The following ZNF717 variants were observed in gnomAD, a reference collection of about 807,000 sequenced individuals.
The protein encoded by ZNF717 is zinc finger protein 717.
In ZNF717, 9 loss-of-function variants were observed where a neutral mutation model predicts 13.8. The ratio of observed to expected loss-of-function variants is 0.65; its 90% CI spans 0.39 to 1.14. The LOEUF is 1.14. ZNF717 is among the 50% of genes most tolerant of loss of function. The probability of loss-of-function intolerance (pLI) is 0.01; values close to 1 mark genes in which losing one functional copy is unlikely to be tolerated. For synonymous variants in ZNF717, 327 were observed against 364.1 expected, an observed-to-expected ratio of 0.90 and a Z score of 1.16; for missense variants, 1,040 against 1,080.7, an observed-to-expected ratio of 0.96 and a Z score of 0.53.
intron 4 of ZNF717, among the ~76,000 whole-genome samples, chr3:75,721,657 A>C (rs1259527857): frequency 6.6e-6 from 1 of 152,234 alleles, no homozygotes; most frequent in African/African-American, 2.4e-5. Context: ...GTCAAAAATA[A>C]AGCAAATAAC....
chr3:75,714,701 T>A (rs74442858), intron 5 of ZNF717, among the ~76,000 whole-genome samples: 1 of 152,230 alleles, frequency 6.6e-6, no homozygotes, highest in Non-Finnish European at 1.5e-5. Flanking sequence ...AAATGTACAC[T>A]GGCCATTTTG....
intron 2 of ZNF717, among the ~76,000 whole-genome samples, chr3:75,746,582 T>C (rs1300640000): frequency 2.6e-3 from 395 of 152,310 alleles, no homozygotes; most frequent in African/African-American, 9.2e-3. Context: ...TTCTAACTAG[T>C]GTGAGATGAT....
intron 6 of ZNF717, among the ~76,000 whole-genome samples, chr3:75,697,359 G>A (rs1231903843): frequency 3.8e-4 from 57 of 151,858 alleles, no homozygotes; most frequent in African/African-American, 1.3e-3. Flanking sequence ...CAATGTTGGA[G>A]GTGGGCCTGG....
At chr3:75,752,471 C>A (rs1483397347) in intron 2 of ZNF717, among the ~76,000 whole-genome samples, 1 of 146,982 alleles carries the variant, frequency 6.8e-6, no homozygotes, top group Non-Finnish European at 1.5e-5. Flanking sequence ...ACATAGGATT[C>A]CAGAGCACTC....
intron 5 of ZNF717, among the ~76,000 whole-genome samples, chr3:75,713,389 G>A (rs78500908): frequency 2.0e-5 from 3 of 151,954 alleles, no homozygotes; most frequent in Non-Finnish European, 2.9e-5. Flanking sequence ...GGGCTCAAGC[G>A]ATCCACCCAC....
intron 6 of ZNF717, among the ~76,000 whole-genome samples, chr3:75,696,189 T>C (rs1937600614): frequency 6.6e-6 from 1 of 152,308 alleles, no homozygotes; most frequent in Non-Finnish European, 1.5e-5. Flanking sequence ...AGCAATTGTG[T>C]GCCAACAAAT....
chr3:75,769,233 C>G (rs1575940585), intron 2 of ZNF717, among the ~76,000 whole-genome samples: 1 of 152,284 alleles, frequency 6.6e-6, no homozygotes, highest in East Asian at 1.9e-4. Flanking sequence ...CTGCCTGGGC[C>G]TCTTGGACAC....
intron 6 of ZNF717, among the ~76,000 whole-genome samples, chr3:75,694,948 C>A (rs1270599667): frequency 2.6e-5 from 4 of 152,030 alleles, no homozygotes; most frequent in African/African-American, 9.7e-5. Flanking sequence ...AAAAATCAAT[C>A]AGAAAACAAA....
At position 75,736,310 on chromosome 3, in the gene ZNF717, A is replaced by C. The variant is rs1231323492; in HGVS notation, c.*568T>G. 6.5e-6 allele frequency: 1 copy of C among 153,798 alleles called. No individual in the cohort carries two copies. Among genetic ancestry groups the C allele is most frequent in the Non-Finnish European group, 1.4e-5 (1 of 69,152 alleles). The allele number at this position is 153,798 out of a possible 1,614,324, so 9.5% of individuals were successfully genotyped here. A position where few individuals can be genotyped will look rare whatever the true frequency, so the allele number is the denominator to read the frequency against. On this transcript the variant is annotated 3_prime_UTR_variant, in exon 5 of 5. Transcript: ENST00000652011. ...TGCACACCTGTCACTTCAAATCAAAAGGTAGAAATCATCGAGCTTAGTGAA... is the reference window on the plus strand; with the variant it reads ...TGCACACCTGTCACTTCAAATCAAACGGTAGAAATCATCGAGCTTAGTGAA...
chr3:75,696,070 C>T (rs1464777818), intron 6 of ZNF717, among the ~76,000 whole-genome samples: 3 of 152,300 alleles, frequency 2.0e-5, no homozygotes, highest in Admixed American at 6.5e-5. Context: ...AATATTTAGA[C>T]AGGCTAACTG....
intron 2 of ZNF717, among the ~76,000 whole-genome samples, chr3:75,751,082 C>T (rs2107393988): frequency 6.6e-6 from 1 of 152,010 alleles, no homozygotes; most frequent in African/African-American, 2.4e-5. Context: ...ATTTGTTCCT[C>T]ACATAGGATT....
intron 2 of ZNF717, among the ~76,000 whole-genome samples, chr3:75,756,587 C>T (rs939041238): frequency 2.2e-4 from 33 of 152,268 alleles, no homozygotes; most frequent in South Asian, 4.1e-4. Context: ...AACAATGTTG[C>T]TGCTGTTATG....
chr3:75,738,124 G>T lies in ZNF717; in HGVS notation c.1499C>A (p.Thr500Asn). The change falls in exon 5 of 5, where the codon ACT (threonine) becomes AAT (asparagine). Residue 500 changes from threonine to asparagine, a missense_variant. By Grantham distance (65) the Thr-to-Asn change is moderately conservative. Transcript: ENST00000652011. The stretch of plus-strand genomic sequence containing the variant: ...TTCGTAGGGTTTTTCCCCTGTGTGA[G>T]TCCATTGATGGATAGTGAGGAATGA... Reference protein sequence around the residue: ...RKSFLTIHQWTHTGEKPYECN... With the variant: ...RKSFLTIHQWNHTGEKPYECN... The T allele has an allele frequency of 1.5e-6, 2 of 1,356,218 alleles. No homozygotes were observed. The highest frequency in any genetic ancestry group is 4.7e-5 in the Admixed American group (2 of 42,432). The allele number at this position is 1,356,218 out of a possible 1,614,324, so 84.0% of individuals were successfully genotyped here.
At chr3:75,741,785 C>T (rs371805243) in intron 2 of ZNF717, 49 bp from the exon 3 acceptor site, 1 of 1,557,882 alleles carries the variant, frequency 6.4e-7, no homozygotes, top group South Asian at 1.2e-5. Flanking sequence ...CGTTCCTGTA[C>T]AGGGTCCTCT....
intron 6 of ZNF717, among the ~76,000 whole-genome samples, chr3:75,695,062 A>T (rs1362947405): frequency 6.6e-6 from 1 of 152,242 alleles, no homozygotes; most frequent in African/African-American, 2.4e-5. Context: ...ATAGAGAAGC[A>T]GGACAATAAT....
chr3:75,695,270 T>A (rs1387910984), intron 6 of ZNF717, among the ~76,000 whole-genome samples: 1 of 152,274 alleles, frequency 6.6e-6, no homozygotes, highest in Admixed American at 6.5e-5. Context: ...AAGAGATCAA[T>A]TCAAGAGGAT....
At chr3:75,773,391 A>G (rs1363740454) in intron 2 of ZNF717, among the ~76,000 whole-genome samples, 318 of 150,528 alleles carry the variant, frequency 2.1e-3, no homozygotes, top group African/African-American at 7.8e-3. Context: ...ATTCCAAATG[A>G]ATAATGCCCT....
chr3:75,725,957 C>T (rs1188494630), downstream of ZNF717, among the ~76,000 whole-genome samples: 1 of 152,152 alleles, frequency 6.6e-6, no homozygotes, highest in Non-Finnish European at 1.5e-5. Flanking sequence ...TAATTTGCTC[C>T]CAGTTGGGCC....
intron 2 of ZNF717, among the ~76,000 whole-genome samples, chr3:75,767,243 A>G (rs1943547536): frequency 6.6e-6 from 1 of 151,928 alleles, no homozygotes; most frequent in African/African-American, 2.4e-5. Context: ...AGCAACACCC[A>G]CTCCCAACAA....
Sources: gnomAD v4.1 joint callset for allele counts (sites outside exome capture counted in the v4.1 genomes callset) on GRCh38, gnomAD v4.1.1 for gene constraint, MANE v1.5 for transcripts, NCBI Gene and HGNC (gene_info 2026-07-23, HGNC 2026-07-21) for gene names.